The following DPP10 variants were observed in gnomAD, a reference collection of about 807,000 sequenced individuals.
DPP10 encodes the protein inactive dipeptidyl peptidase 10.
A neutral mutation model predicts 120.9 loss-of-function variants in DPP10; 33 were observed. The ratio of observed to expected loss-of-function variants is 0.27; its 90% confidence interval spans 0.21 to 0.37. DPP10 has a LOEUF of 0.37. Among genes scored for constraint, DPP10 ranks in the 10% least tolerant of loss-of-function variants. DPP10 has a pLI of 1.00. For synonymous variants in DPP10, 337 were observed against 326.1 expected (o/e 1.03, Z -0.36); for missense variants, 816 against 942.8 (o/e 0.87, Z 1.76).
At chr2:115,331,656 C>T (rs2062747985) in intron 2 of DPP10, among the ~76,000 whole-genome samples, 10 of 152,096 alleles carry the variant, frequency 6.6e-5, no homozygotes, top group Admixed American at 6.6e-4. Flanking sequence ...TTGTCAAAGG[C>T]CTTTTCTGCA....
intron 1 of DPP10, among the ~76,000 whole-genome samples, chr2:114,918,623 A>T: frequency 6.6e-6 from 1 of 152,200 alleles, no homozygotes; most frequent in East Asian, 1.9e-4. Flanking sequence ...CCATCGAATG[A>T]ATGAAGTCAT....
At chr2:115,805,575 A>ATT (rs34290717) in intron 19 of DPP10, among the ~76,000 whole-genome samples, 70 of 134,290 alleles carry the variant, frequency 5.2e-4, no homozygotes, top group South Asian at 3.4e-3. Flanking sequence ...CTTGGCTCCC[A>ATT]TTTTTTTTTT....
chr2:115,541,945 G>A (rs1261482360), intron 5 of DPP10, among the ~76,000 whole-genome samples: 2 of 151,760 alleles, frequency 1.3e-5, no homozygotes, highest in Non-Finnish European at 2.9e-5. Flanking sequence ...ACACAAATTT[G>A]CAAATGAGTA....
chr2:115,504,098 C>A (rs1414832737), intron 4 of DPP10, among the ~76,000 whole-genome samples: 1 of 152,044 alleles, frequency 6.6e-6, no homozygotes, highest in African/African-American at 2.4e-5. Context: ...TTGAATAACC[C>A]TGCAAAGAAG....
intron 22 of DPP10, 95 bp downstream of exon 22, chr2:115,836,351 A>G (rs1689526619): frequency 5.8e-6 from 8 of 1,374,748 alleles, no homozygotes; most frequent in South Asian, 1.3e-5. Flanking sequence ...CATTTATCAT[A>G]TGTTATTAGA....
intron 1 of DPP10, among the ~76,000 whole-genome samples, chr2:114,919,365 T>C (rs1191444805): frequency 6.6e-6 from 1 of 151,568 alleles, no homozygotes; most frequent in Admixed American, 6.6e-5. Context: ...GCTCAGTGAC[T>C]ACTCCACTAG....
chr2:115,376,205 T>G (rs1231905394), intron 3 of DPP10, among the ~76,000 whole-genome samples: 2 of 152,166 alleles, frequency 1.3e-5, no homozygotes, highest in African/African-American at 4.8e-5. Flanking sequence ...CTCTTGTTAT[T>G]GTTAAACCAT....
At chr2:115,183,907 A>G (rs2054250784) in intron 1 of DPP10, among the ~76,000 whole-genome samples, 1 of 152,154 alleles carries the variant, frequency 6.6e-6, no homozygotes, top group Non-Finnish European at 1.5e-5. Context: ...GCTGTGTTTC[A>G]TGGGGGCCTC....
At chr2:114,579,389 G>A (rs1338854019) in intron 1 of DPP10, among the ~76,000 whole-genome samples, 1 of 152,102 alleles carries the variant, frequency 6.6e-6, no homozygotes, top group African/African-American at 2.4e-5. Context: ...GGGAAATAAT[G>A]TACTGTAATG....
intron 1 of DPP10, among the ~76,000 whole-genome samples, chr2:114,939,100 A>G (rs1257437828): frequency 6.6e-6 from 1 of 152,078 alleles, no homozygotes; most frequent in East Asian, 1.9e-4. Flanking sequence ...TCTACTGTAT[A>G]CTATATTCTT....
intron 1 of DPP10, among the ~76,000 whole-genome samples, chr2:115,132,141 G>A (rs1166933412): frequency 1.3e-5 from 2 of 152,022 alleles, no homozygotes; most frequent in Non-Finnish European, 2.9e-5. Flanking sequence ...TAAGAGTTAA[G>A]CTTTATCTTT....
intron 1 of DPP10, among the ~76,000 whole-genome samples, chr2:115,179,870 G>A (rs1007157285): frequency 5.3e-5 from 8 of 152,056 alleles, no homozygotes; most frequent in Admixed American, 2.0e-4. Flanking sequence ...ACCAAGACTC[G>A]AAACCGTTTC....
chr2:114,696,665 G>T (rs1700084398), intron 1 of DPP10, among the ~76,000 whole-genome samples: 1 of 151,784 alleles, frequency 6.6e-6, no homozygotes, highest in African/African-American at 2.4e-5. Flanking sequence ...GTGCCTGGTT[G>T]GCAAAAAATC....
In DPP10 at chr2:115,299,223, G is replaced by A. The variant is rs368276944; in HGVS notation, c.61-10016G>A. Among the ~76,000 whole-genome samples, 9 of 152,078 alleles carry A rather than the reference G, an allele frequency of 5.9e-5. No individual in the cohort carries two copies. The South Asian group carries it at 8.3e-4, about 14-fold the overall frequency. On this transcript the variant is annotated intron_variant, in intron 1 of 25. Transcript: ENST00000410059. ...AACATATAAGGTTGATAGAAAATAT[G>A]GATAATATAAAAAGTGGTATTGAAT...
chr2:114,454,513 A>C (rs1678458570), intron 1 of DPP10, among the ~76,000 whole-genome samples: 1 of 152,012 alleles, frequency 6.6e-6, no homozygotes, highest in South Asian at 2.1e-4. Flanking sequence ...GTGTCTCCTA[A>C]CTCTCAGGTT....
intron 1 of DPP10, among the ~76,000 whole-genome samples, chr2:115,240,261 T>A (rs185434871): frequency 1.3e-5 from 2 of 152,152 alleles, no homozygotes; most frequent in African/African-American, 4.8e-5. Flanking sequence ...CTCTCCAGCA[T>A]CTGTTATTTC....
chr2:114,639,948 C>T (rs1164895785), intron 1 of DPP10, among the ~76,000 whole-genome samples: 2 of 151,754 alleles, frequency 1.3e-5, no homozygotes, highest in Non-Finnish European at 2.9e-5. Flanking sequence ...ATCTAAGATA[C>T]TAGATTTTCT....
At chr2:115,591,509 T>C (rs1032239345) in intron 5 of DPP10, among the ~76,000 whole-genome samples, 2 of 152,238 alleles carry the variant, frequency 1.3e-5, no homozygotes, top group Non-Finnish European at 2.9e-5. Flanking sequence ...GTTGCATTGG[T>C]CTATATCTCT....
intron 1 of DPP10, among the ~76,000 whole-genome samples, chr2:115,158,340 A>C (rs1407078329): frequency 2.6e-5 from 4 of 152,196 alleles, no homozygotes; most frequent in Non-Finnish European, 5.9e-5. Context: ...TACTGCATTG[A>C]CTTCCTGTTT....
Sources: gnomAD v4.1 joint callset for allele counts (sites outside exome capture counted in the v4.1 genomes callset) on GRCh38, gnomAD v4.1.1 for gene constraint, MANE v1.5 for transcripts, NCBI Gene and HGNC (gene_info 2026-07-23, HGNC 2026-07-21) for gene names.